Variants in SYT1 observed in about 807,000 individuals in gnomAD.
SYT1 encodes synaptotagmin 1.
Under a neutral mutation model 44.8 loss-of-function variants are expected in SYT1, and 8 were observed. The ratio of observed to expected loss-of-function variants is 0.18; its 90% CI spans 0.10 to 0.32. The LOEUF is 0.32. Ranked by LOEUF, SYT1 falls within the 10% of genes least tolerant of loss-of-function variation. The pLI is 1.00. For synonymous variants in SYT1, 154 were observed against 188.8 expected (o/e 0.82, Z 1.51); for missense variants, 286 against 509.3 (o/e 0.56, Z 4.22).
chr12:79,225,036 C>T (rs1411894344), intron 4 of SYT1, among the ~76,000 whole-genome samples: 1 of 151,636 alleles, frequency 6.6e-6, no homozygotes, highest in Non-Finnish European at 1.5e-5. Flanking sequence ...CTGCCTTGGC[C>T]TCCCAAAGTG....
chr12:79,233,986 T>C (rs1219048490), intron 4 of SYT1, among the ~76,000 whole-genome samples: 1 of 152,132 alleles, frequency 6.6e-6, no homozygotes, highest in Admixed American at 6.5e-5. Context: ...GATAGTTGGA[T>C]CCGTATGTAC....
chr12:79,264,870 T>C (rs547648275), intron 4 of SYT1, among the ~76,000 whole-genome samples: 1 of 152,338 alleles, frequency 6.6e-6, no homozygotes, highest in Admixed American at 6.5e-5. Flanking sequence ...TGTTTATTCA[T>C]GAATAGCTGT....
chr12:79,246,403 A>C (rs1381228631), intron 4 of SYT1, among the ~76,000 whole-genome samples: 3 of 151,860 alleles, frequency 2.0e-5, no homozygotes, highest in African/African-American at 7.3e-5. Context: ...ACTTTTTTTT[A>C]ACTTTTGCCT....
chr12:79,158,493 A>G (rs1870741608), intron 3 of SYT1, among the ~76,000 whole-genome samples: 1 of 152,148 alleles, frequency 6.6e-6, no homozygotes, highest in South Asian at 2.1e-4. Flanking sequence ...CTGAGAGGCC[A>G]CACACCAGTA....
chr12:79,155,865 T>C (rs997360513), intron 3 of SYT1, among the ~76,000 whole-genome samples: 3 of 152,206 alleles, frequency 2.0e-5, no homozygotes, highest in African/African-American at 7.2e-5. Context: ...ACTTGAATAC[T>C]TTCAACCAAC....
intron 3 of SYT1, among the ~76,000 whole-genome samples, chr12:79,056,013 T>G (rs545154007): frequency 6.6e-6 from 1 of 152,102 alleles, no homozygotes; most frequent in South Asian, 2.1e-4. Flanking sequence ...TATAATTGCC[T>G]ACAGTATTCA....
intron 3 of SYT1, among the ~76,000 whole-genome samples, chr12:79,176,338 A>G (rs961835906): frequency 6.6e-6 from 1 of 151,858 alleles, no homozygotes; most frequent in Non-Finnish European, 1.5e-5. Context: ...AGTGATATTG[A>G]TGTAAATGAT....
intron 3 of SYT1, among the ~76,000 whole-genome samples, chr12:79,053,035 C>T (rs1169641628): frequency 2.0e-5 from 3 of 152,108 alleles, no homozygotes; most frequent in Non-Finnish European, 4.4e-5. Context: ...ATAAATCATG[C>T]TGCTATAAAG....
chr12:79,076,554 G>A (rs1876664723), intron 3 of SYT1, among the ~76,000 whole-genome samples: 1 of 152,282 alleles, frequency 6.6e-6, no homozygotes, highest in Non-Finnish European at 1.5e-5. Flanking sequence ...CAAATCAGGT[G>A]AAATGCAATT....
In SYT1 at chr12:78,948,077, G is replaced by C. The variant is rs1233535778; in HGVS notation, c.-216-29722G>C. ...AAAAGATACAAATATAACAATGAAAGGTCCTGCAGATTAATTTAACCATTT... is the reference window on the plus strand; with the variant it reads ...AAAAGATACAAATATAACAATGAAACGTCCTGCAGATTAATTTAACCATTT... On this transcript the variant is annotated intron_variant, in intron 1 of 10. Coordinates refer to ENST00000261205, the MANE Select transcript of SYT1 (RefSeq NM_005639.3). 4.0e-5 allele frequency among the ~76,000 whole-genome samples: 6 copies of C among 151,626 alleles called. No individual in the cohort carries two copies. The East Asian group carries it at 9.7e-4, about 24-fold the overall frequency.
intron 1 of SYT1, among the ~76,000 whole-genome samples, chr12:78,961,071 G>T (rs1490483717): frequency 2.7e-5 from 4 of 150,528 alleles, no homozygotes; most frequent in African/African-American, 7.4e-5. Flanking sequence ...TTTTGTTGCT[G>T]TTTCCTTAAG....
At chr12:79,007,672 T>A (rs1218905622) in intron 2 of SYT1, among the ~76,000 whole-genome samples, 1 of 152,164 alleles carries the variant, frequency 6.6e-6, no homozygotes, top group Non-Finnish European at 1.5e-5. Context: ...ACTTATACCC[T>A]TTTTTGTTCC....
chr12:79,211,526 G>T (rs1361058562), intron 3 of SYT1, among the ~76,000 whole-genome samples: 1 of 151,590 alleles, frequency 6.6e-6, no homozygotes, highest in African/African-American at 2.4e-5. Flanking sequence ...TGCCATGCTG[G>T]TGCGCTGCAC....
chr12:79,448,757 A>AATT (rs1191001926), intron 10 of SYT1, among the ~76,000 whole-genome samples, 161 bp from the exon 11 acceptor site: 2 of 152,234 alleles, frequency 1.3e-5, no homozygotes, highest in African/African-American at 4.8e-5. Flanking sequence ...ATATAATAAA[A>AATT]ATTAACGTTT....
chr12:79,394,734 T>C (rs1325948906), intron 9 of SYT1, among the ~76,000 whole-genome samples: 1 of 152,172 alleles, frequency 6.6e-6, no homozygotes, highest in Non-Finnish European at 1.5e-5. Flanking sequence ...CAAAAACAGG[T>C]TTCTACTGCA....
chr12:79,435,015 C>A (rs1870006169), intron 9 of SYT1, among the ~76,000 whole-genome samples: 1 of 152,106 alleles, frequency 6.6e-6, no homozygotes, highest in South Asian at 2.1e-4. Flanking sequence ...TTCTTTTAGA[C>A]ACAGGGATTA....
At chr12:78,985,836 C>G (rs2137460098) in intron 2 of SYT1, among the ~76,000 whole-genome samples, 1 of 151,988 alleles carries the variant, frequency 6.6e-6, no homozygotes, top group Admixed American at 6.6e-5. Context: ...ACAAAAGAAG[C>G]AATTTCAAAC....
At chr12:78,931,588 A>G (rs1877756174) in intron 1 of SYT1, among the ~76,000 whole-genome samples, 1 of 152,224 alleles carries the variant, frequency 6.6e-6, no homozygotes, top group African/African-American at 2.4e-5. Context: ...GAACTGAGTG[A>G]ACAAGTGTGT....
intron 3 of SYT1, among the ~76,000 whole-genome samples, chr12:79,088,284 G>T (rs924017622): frequency 2.0e-5 from 3 of 152,004 alleles, no homozygotes; most frequent in African/African-American, 7.2e-5. Flanking sequence ...TGGTTTAGGG[G>T]TGAAGGGAAT....
Sources: gnomAD v4.1 joint callset for allele counts (sites outside exome capture counted in the v4.1 genomes callset) on GRCh38, gnomAD v4.1.1 for gene constraint, MANE v1.5 for transcripts, NCBI Gene and HGNC (gene_info 2026-07-23, HGNC 2026-07-21) for gene names.